Variants in GPC6 observed in about 807,000 individuals in gnomAD.
The protein encoded by GPC6 is glypican-6.
GPC6 carries 14 observed loss-of-function variants against 55.2 expected under a neutral mutation model. The observed-to-expected ratio is 0.25, with a 90% CI of 0.17 to 0.40. The LOEUF (loss-of-function observed/expected upper bound fraction) is 0.40, where lower values mean the gene tolerates loss of function less well. GPC6 is among the 10% of genes least tolerant of loss of function. The pLI is 1.00. For missense variants in GPC6, 641 were observed against 708.5 expected, an observed-to-expected ratio of 0.90 and a Z score of 1.08; for synonymous variants, 278 against 259.6, an observed-to-expected ratio of 1.07 and a Z score of -0.68.
At chr13:93,554,783 G>A (rs141681306) in intron 2 of GPC6, among the ~76,000 whole-genome samples, 28 of 152,154 alleles carry the variant, frequency 1.8e-4, no homozygotes, top group African/African-American at 6.5e-4. Context: ...CAAATGTGAA[G>A]GAAGAACCAG....
intron 3 of GPC6, among the ~76,000 whole-genome samples, chr13:93,955,059 G>T (rs998785079): frequency 3.9e-5 from 6 of 152,114 alleles, no homozygotes; most frequent in Non-Finnish European, 7.4e-5. Flanking sequence ...CTCTTTAACA[G>T]TGGAGAAAGG....
chr13:93,434,839 T>C (rs1199759409), intron 1 of GPC6, among the ~76,000 whole-genome samples: 1 of 152,128 alleles, frequency 6.6e-6, no homozygotes, highest in Non-Finnish European at 1.5e-5. Context: ...CCCAAGTAGC[T>C]GGAATTGCAG....
At chr13:94,118,199 T>C (rs2138849421) in intron 4 of GPC6, among the ~76,000 whole-genome samples, 2 of 152,168 alleles carry the variant, frequency 1.3e-5, no homozygotes, top group South Asian at 4.1e-4. Context: ...TGGGAGATAA[T>C]GGAATCATAG....
At chr13:93,634,933 A>C (rs1340875929) in intron 2 of GPC6, among the ~76,000 whole-genome samples, 2 of 152,172 alleles carry the variant, frequency 1.3e-5, no homozygotes, top group Non-Finnish European at 2.9e-5. Context: ...AGAATCCACC[A>C]CAAACCTATG....
intron 3 of GPC6, among the ~76,000 whole-genome samples, chr13:93,981,604 C>T (rs1880806186): frequency 6.6e-6 from 1 of 152,140 alleles, no homozygotes; most frequent in East Asian, 1.9e-4. Flanking sequence ...AATCTGGCTG[C>T]TCATTACTAT....
intron 2 of GPC6, among the ~76,000 whole-genome samples, chr13:93,758,380 T>C (rs1468386002): frequency 1.3e-5 from 2 of 152,162 alleles, no homozygotes; most frequent in African/African-American, 2.4e-5. Context: ...TCCAGGTTTA[T>C]TTCTTTCTCC....
chr13:94,038,637 G>A (rs562285191), intron 4 of GPC6, among the ~76,000 whole-genome samples: 11 of 151,976 alleles, frequency 7.2e-5, no homozygotes, highest in Admixed American at 6.6e-5. Context: ...ATAATAGTAC[G>A]TACCTCTTAG....
intron 2 of GPC6, among the ~76,000 whole-genome samples, chr13:93,698,064 G>A (rs542384545): frequency 5.3e-5 from 8 of 152,178 alleles, no homozygotes; most frequent in Admixed American, 2.0e-4. Context: ...TAAGGAGTAC[G>A]CCAAAGTTGT....
chr13:93,878,832 A>G (rs1314612691), intron 3 of GPC6, among the ~76,000 whole-genome samples: 1 of 152,118 alleles, frequency 6.6e-6, no homozygotes, highest in Non-Finnish European at 1.5e-5. Context: ...TCCATTGTTT[A>G]TAAATTACCC....
chr13:93,812,154 C>A (rs146733957), intron 2 of GPC6, among the ~76,000 whole-genome samples: 2 of 9,968 alleles, frequency 2.0e-4, no homozygotes, highest in Non-Finnish European at 2.2e-4. Context: ...GGGGGGGGGG[C>A]GGGGGGTGGG....
intron 4 of GPC6, among the ~76,000 whole-genome samples, chr13:94,248,838 T>A (rs1327121614): frequency 6.6e-6 from 1 of 152,106 alleles, no homozygotes; most frequent in Admixed American, 6.6e-5. Context: ...CTACCACCTG[T>A]GAATTATGGC....
chr13:93,845,054 A>C (rs963805027), intron 3 of GPC6, among the ~76,000 whole-genome samples: 2 of 151,844 alleles, frequency 1.3e-5, no homozygotes, highest in African/African-American at 4.8e-5. Flanking sequence ...GTAGCCTTGT[A>C]GTATAGTTTG....
chr13:93,627,604 T>A (rs1776194762), intron 2 of GPC6, among the ~76,000 whole-genome samples: 1 of 152,202 alleles, frequency 6.6e-6, no homozygotes, highest in Non-Finnish European at 1.5e-5. Context: ...ACGCTTCAGA[T>A]CTTTTCAGAA....
chr13:94,317,900 A>G (rs1466110269), intron 6 of GPC6, among the ~76,000 whole-genome samples: 4 of 151,782 alleles, frequency 2.6e-5, no homozygotes, highest in Non-Finnish European at 5.9e-5. Flanking sequence ...TTTTTTAATT[A>G]CTCTCCACTC....
At chr13:93,542,687 T>G (rs990026574) in intron 1 of GPC6, among the ~76,000 whole-genome samples, 3 of 151,946 alleles carry the variant, frequency 2.0e-5, no homozygotes, top group African/African-American at 7.3e-5. Context: ...GTTTGTATTC[T>G]CTTTTATTTT....
intron 3 of GPC6, among the ~76,000 whole-genome samples, chr13:93,866,109 G>A (rs991596): frequency 0.34 from 50,780 of 151,498 alleles, 8,681 homozygotes; most frequent in African/African-American, 0.39. Flanking sequence ...GTTTTGAAAA[G>A]CAGGTAAGTG....
intron 6 of GPC6, among the ~76,000 whole-genome samples, chr13:94,340,587 A>G (rs772144453): frequency 2.6e-5 from 4 of 152,202 alleles, no homozygotes; most frequent in Non-Finnish European, 5.9e-5. Context: ...ATACATGTGT[A>G]TACATGATGT....
At chr13:94,394,065 A>G (rs981755526) in intron 7 of GPC6, among the ~76,000 whole-genome samples, 14 of 152,080 alleles carry the variant, frequency 9.2e-5, no homozygotes, top group Non-Finnish European at 1.8e-4. Flanking sequence ...CTCACCCCCA[A>G]ATTTCCATAG....
chr13:94,379,829 C>G (rs1470061077), intron 6 of GPC6, among the ~76,000 whole-genome samples: 4 of 152,106 alleles, frequency 2.6e-5, no homozygotes, highest in Non-Finnish European at 5.9e-5. Context: ...AATTACAACC[C>G]TATTTCTGCC....
Sources: gnomAD v4.1 joint callset for allele counts (sites outside exome capture counted in the v4.1 genomes callset) on GRCh38, gnomAD v4.1.1 for gene constraint, MANE v1.5 for transcripts, NCBI Gene and HGNC (gene_info 2026-07-23, HGNC 2026-07-21) for gene names.